NFIC: variants seen among roughly 807,000 people sequenced by gnomAD.
NFIC encodes nuclear factor I C.
A neutral mutation model predicts 54.4 loss-of-function variants in NFIC; 12 were observed. The observed-to-expected ratio is 0.22, with a 90% CI of 0.14 to 0.36. The LOEUF is 0.36. NFIC is among the 10% of genes least tolerant of loss of function. The pLI is 1.00. For synonymous variants in NFIC, 322 were observed against 319.2 expected (o/e 1.01, Z -0.09); for missense variants, 575 against 718.2 (o/e 0.80, Z 2.28).
rs1331302017 is a variant in NFIC at position 3,467,798 on chromosome 19, A to G, written c.*5029A>G. Reference sequence around the variant, plus strand: ...ATATATATATATATATAATTTTGGAATTTGTTTCTCATAATACAGAATATA... The same window carrying G: ...ATATATATATATATATAATTTTGGAGTTTGTTTCTCATAATACAGAATATA... On this transcript the variant is annotated 3_prime_UTR_variant, in exon 11 of 11. Coordinates refer to ENST00000443272, the MANE Select transcript of NFIC (RefSeq NM_001245002.2). 2.6e-5 allele frequency: 2 copies of G among 77,568 alleles called. No individual in the cohort carries two copies. Among genetic ancestry groups the G allele is most frequent in the African/African-American group, 1.6e-4 (2 of 12,766 alleles). The allele number at this position is 77,568 out of a possible 1,614,324, so 4.8% of individuals were successfully genotyped here. A position where few individuals can be genotyped will look rare whatever the true frequency, so the allele number is the denominator to read the frequency against.
chr19:3,454,419 G>A (rs2082519750), intron 9 of NFIC: 2 of 262,642 alleles, frequency 7.6e-6, no homozygotes, highest in Non-Finnish European at 1.2e-5. Flanking sequence ...GGGTGACCTG[G>A]GCTGGACCAC....
intron 7 of NFIC, among the ~76,000 whole-genome samples, chr19:3,449,528 G>A (rs1038009346): frequency 5.9e-5 from 9 of 152,186 alleles, no homozygotes; most frequent in African/African-American, 2.2e-4. Context: ...GGGAGGCTGA[G>A]GCGGGTGGAT....
upstream of NFIC, among the ~76,000 whole-genome samples, chr19:3,363,276 T>C (rs1272489479): frequency 1.3e-3 from 120 of 93,786 alleles, 3 homozygotes; most frequent in African/African-American, 4.1e-3. Flanking sequence ...TATATTTTTT[T>C]TTTTTTTTTT....
In NFIC at chr19:3,370,495, C is replaced by G. The variant is rs1222788521; in HGVS notation, c.30+3829C>G. On this transcript the variant is annotated intron_variant, in intron 1 of 10. Coordinates refer to ENST00000443272, the MANE Select transcript of NFIC (RefSeq NM_001245002.2). This position sits in a 1 kb window ranked among gnomAD's most constrained non-coding sequence, Gnocchi z 5.2. ...TCAGCGTTCTCCTCTCTCTCTCTCT[C>G]TCTCTCTGTCTCCCTCCCTTTCTCC... Among the ~76,000 whole-genome samples the G allele has an allele frequency of 6.6e-6, 1 of 151,908 alleles. No homozygotes were observed. The highest frequency in any genetic ancestry group is 1.5e-5 in the Non-Finnish European group (1 of 67,946).
At chr19:3,373,261 C>T (rs924700792) in intron 1 of NFIC, among the ~76,000 whole-genome samples, 5 of 152,218 alleles carry the variant, frequency 3.3e-5, no homozygotes, top group Non-Finnish European at 7.3e-5. Context: ...TCATTGTCCT[C>T]CCAGAACATC....
upstream of NFIC, among the ~76,000 whole-genome samples, chr19:3,362,033 T>C (rs1038278361): frequency 4.5e-4 from 69 of 152,080 alleles, no homozygotes; most frequent in African/African-American, 1.7e-3. Context: ...TGCGGGGGGA[T>C]AGACAACCAC....
At position 3,468,515 on chromosome 19, in the gene NFIC, C is replaced by T. The variant is rs2082746651; in HGVS notation, c.*5746C>T. 1 of 152,042 alleles carries T rather than the reference C, an allele frequency of 6.6e-6. No homozygotes were observed. The highest frequency in any genetic ancestry group is 2.4e-5 in the African/African-American group (1 of 41,376). 9.4% of individuals were successfully genotyped at this position (152,042 alleles called of 1,614,324 possible). On this transcript the variant is annotated 3_prime_UTR_variant, in exon 11 of 11. Transcript: ENST00000443272. ...CTGCCCACCCAGCCCTGAGCATTCT[C>T]ACACAGAGAAAGAACAAGCAAGGGC...
intron 6 of NFIC, among the ~76,000 whole-genome samples, chr19:3,442,333 G>A (rs923703243): frequency 2.0e-5 from 3 of 151,764 alleles, no homozygotes; most frequent in African/African-American, 7.3e-5. Flanking sequence ...GGCGGGGCAG[G>A]CAGCCCCCAT....
chr19:3,434,209 C>T lies in NFIC; in HGVS notation c.710-68C>T, dbSNP rs149550083. On this transcript the variant is annotated intron_variant, in intron 4 of 10. Transcript: ENST00000443272. ...GGACTGCACCCAGTGGCTTTCCCTA[C>T]CTCTCTAAAGCAAACCGCAGCACTG... 78 of 1,535,268 alleles carry T rather than the reference C, an allele frequency of 5.1e-5. No homozygotes were observed. The East Asian group carries it at 1.8e-3, about 35-fold the overall frequency.
intron 3 of NFIC, among the ~76,000 whole-genome samples, chr19:3,426,997 GCTCA>G (rs2082037817): frequency 1.3e-5 from 2 of 150,526 alleles, no homozygotes; most frequent in Admixed American, 6.7e-5. Context: ...CGCAATCTCG[GCTCA>G]CTGCCATCCC....
At chr19:3,384,203 C>T (rs989083875) in intron 2 of NFIC, among the ~76,000 whole-genome samples, 4 of 151,066 alleles carry the variant, frequency 2.6e-5, no homozygotes, top group Admixed American at 6.6e-5. Flanking sequence ...TATAGGCGCA[C>T]ACCACCACAC....
intron 2 of NFIC, among the ~76,000 whole-genome samples, chr19:3,420,095 T>G (rs2081929753): frequency 6.6e-6 from 1 of 151,560 alleles, no homozygotes; most frequent in Admixed American, 6.6e-5. Flanking sequence ...CCAAAGAGAG[T>G]GGATCGCTTG....
In NFIC at chr19:3,459,726, G is replaced by A. The variant is rs77086702; in HGVS notation, c.1510-3026G>A. On this transcript the variant is annotated intron_variant, in intron 10 of 10. Coordinates refer to ENST00000443272, the MANE Select transcript of NFIC (RefSeq NM_001245002.2). This position sits in a 1 kb window ranked among gnomAD's most constrained non-coding sequence, Gnocchi z 4.2. ...GCTGGTCCACCACGGGGAGGGTCACGCCCAGAGTCTGTCGGTTGCCAACAG... is the reference window on the plus strand; with the variant it reads ...GCTGGTCCACCACGGGGAGGGTCACACCCAGAGTCTGTCGGTTGCCAACAG... 0.13 allele frequency among the ~76,000 whole-genome samples: 19,355 copies of A among 152,244 alleles called. 1,440 individuals carry two copies. Among genetic ancestry groups the A allele is most frequent in the South Asian group, 0.3 (1,454 of 4,830 alleles).
intron 1 of NFIC, among the ~76,000 whole-genome samples, chr19:3,379,149 T>G (rs2081156074): frequency 6.6e-6 from 1 of 151,640 alleles, no homozygotes; most frequent in South Asian, 2.1e-4. Flanking sequence ...AACCTCCACC[T>G]CCCAGGTTCA....
At chr19:3,445,062 T>C (rs1350687865) in intron 6 of NFIC, among the ~76,000 whole-genome samples, 1 of 149,504 alleles carries the variant, frequency 6.7e-6, no homozygotes, top group African/African-American at 2.5e-5. Context: ...TGTACAGGCA[T>C]ACATATGCAG....
chr19:3,425,209 C>G (rs567960274), intron 3 of NFIC, 32 bp downstream of exon 3: 1 of 1,595,552 alleles, frequency 6.3e-7, no homozygotes, highest in South Asian at 1.1e-5. Context: ...CGGTGAAGGG[C>G]GGAGGGCGCA....
At chr19:3,366,246 G>T (rs180790201), upstream of NFIC, among the ~76,000 whole-genome samples, 5 of 145,156 alleles carry the variant, frequency 3.4e-5, no homozygotes, top group East Asian at 9.9e-4. Flanking sequence ...CGGGAGGAGC[G>T]GGGGGGTCCT....
chr19:3,431,800 G>A (rs1362480840), intron 3 of NFIC, among the ~76,000 whole-genome samples: 1 of 152,128 alleles, frequency 6.6e-6, no homozygotes, highest in African/African-American at 2.4e-5. Flanking sequence ...CACCACGCCC[G>A]GCATCCTTTT....
In NFIC at chr19:3,395,877, T is replaced by A. The variant is rs2081454753; in HGVS notation, c.562+13634T>A. ...GTATTTTTAGTAGAGATGGGATTTC[T>A]CCATGTTGGCCAGGCTGGTCTTGAA... On this transcript the variant is annotated intron_variant, in intron 2 of 10. Transcript: ENST00000443272. 2.6e-5 allele frequency among the ~76,000 whole-genome samples: 4 copies of A among 152,062 alleles called. No homozygotes were observed. In the South Asian group the frequency reaches 6.2e-4, roughly 24 times the overall value.
Sources: allele counts gnomAD v4.1 joint callset (sites outside exome capture counted in the v4.1 genomes callset), GRCh38; gene constraint gnomAD v4.1.1; non-coding constraint Gnocchi (gnomAD v3.1); transcripts MANE v1.5; gene names NCBI Gene and HGNC (gene_info 2026-07-23, HGNC 2026-07-21).